The following HS6ST1 variants were observed in gnomAD, a reference collection of about 807,000 sequenced individuals.
The protein encoded by HS6ST1 is heparan sulfate 6-O-sulfotransferase 1, also known as heparan-sulfate 6-O-sulfotransferase 1.
A neutral mutation model predicts 25.2 loss-of-function variants in HS6ST1; 3 were observed. The ratio of observed to expected loss-of-function variants is 0.12; its 90% CI spans 0.05 to 0.31. The LOEUF is 0.31. Among genes scored for constraint, HS6ST1 ranks in the 10% least tolerant of loss-of-function variants. HS6ST1 has a pLI of 1.00. For synonymous variants in HS6ST1, 204 were observed against 275.1 expected (o/e 0.74, Z 2.56); for missense variants, 310 against 609.6 (o/e 0.51, Z 5.18).
intron 1 of HS6ST1, among the ~76,000 whole-genome samples, chr2:128,290,974 T>A (rs931971300): frequency 6.6e-6 from 1 of 151,700 alleles, no homozygotes; most frequent in Non-Finnish European, 1.5e-5. Flanking sequence ...AGAGTGAAAC[T>A]GTCTCAAATT....
intron 1 of HS6ST1, among the ~76,000 whole-genome samples, chr2:128,280,676 T>C (rs1198086894): frequency 4.0e-5 from 6 of 149,564 alleles, no homozygotes; most frequent in Non-Finnish European, 1.5e-5. Flanking sequence ...CTTGGTGACG[T>C]CTGTAGAAGA....
rs1024140408 is a variant in HS6ST1, at chr2:128,266,097, C to T, written c.*2065G>A. The T allele has an allele frequency of 1.3e-5, 2 of 151,510 alleles. No individual in the cohort carries two copies. Among genetic ancestry groups the T allele is most frequent in the Non-Finnish European group, 2.9e-5 (2 of 67,872 alleles). The allele number at this position is 151,510 out of a possible 1,614,324, so 9.4% of individuals were successfully genotyped here. On this transcript the variant is annotated 3_prime_UTR_variant, in exon 2 of 2. Transcript: ENST00000259241. Reference sequence around the variant, plus strand: ...AAGTTAACACATATTCCAATATGTACAAAACAACCTGCGCTCAGGCCCGCG... The same window carrying T: ...AAGTTAACACATATTCCAATATGTATAAAACAACCTGCGCTCAGGCCCGCG...
chr2:128,317,996 G>T, intron 1 of HS6ST1, 41 bp downstream of exon 1: 1 of 1,408,444 alleles, frequency 7.1e-7, no homozygotes, highest in South Asian at 1.6e-5. Context: ...CCCGGCCTCG[G>T]GGGCGCAGCT....
At chr2:128,276,256 T>G (rs556428467) in intron 1 of HS6ST1, among the ~76,000 whole-genome samples, 22 of 152,190 alleles carry the variant, frequency 1.4e-4, no homozygotes, top group Middle Eastern at 3.4e-3. Context: ...GCCTCCCGAG[T>G]AGCTGGGATT....
At chr2:128,284,105 C>T (rs747653896) in intron 1 of HS6ST1, among the ~76,000 whole-genome samples, 3 of 152,174 alleles carry the variant, frequency 2.0e-5, no homozygotes, top group Admixed American at 6.5e-5. Flanking sequence ...ACCCTCCTGC[C>T]GGCCCTGTTC....
chr2:128,280,779 G>A (rs1048393876), intron 1 of HS6ST1, among the ~76,000 whole-genome samples: 7 of 152,258 alleles, frequency 4.6e-5, no homozygotes, highest in Admixed American at 3.9e-4. Flanking sequence ...GTCAGGTGCT[G>A]TGTGGGCACA....
At chr2:128,306,864 G>A (rs935899309) in intron 1 of HS6ST1, among the ~76,000 whole-genome samples, 1 of 152,192 alleles carries the variant, frequency 6.6e-6, no homozygotes. Flanking sequence ...GGGAGTGAGG[G>A]CAGGGCCAGG....
chr2:128,268,496 T>C lies in HS6ST1; in HGVS notation c.902A>G (p.Gln301Arg). Residue 301 changes from glutamine (Q) to arginine (R), a missense_variant, in exon 2 of 2, where the codon CAG (glutamine) becomes CGG (arginine). Around this residue, in one of 5 missense-constraint regions of HS6ST1, gnomAD observed 140 missense variants for 176.5 expected, o/e 0.79. Coordinates refer to ENST00000259241, the MANE Select transcript of HS6ST1 (RefSeq NM_004807.3). The part of the protein sequence containing the change: ...FGLTEFQRKT[Q>R]YLFERTFNLK... The stretch of plus-strand genomic sequence containing the variant: ...GTTGAACGTCCGCTCGAACAGGTAC[T>C]GCGTCTTGCGCTGGAACTCGGTCAG... 3 of 1,611,802 alleles carry C rather than the reference T, an allele frequency of 1.9e-6. No homozygotes were observed. Among genetic ancestry groups the C allele is most frequent in the Non-Finnish European group, 2.5e-6 (3 of 1,179,116 alleles).
At chr2:128,269,867 T>TCCCCTCCTCCCCTCACACTGCC (rs1340038572) in intron 1 of HS6ST1, among the ~76,000 whole-genome samples, 1 of 152,022 alleles carries the variant, frequency 6.6e-6, no homozygotes, top group Non-Finnish European at 1.5e-5. Context: ...CCCACACTGC[T>TCCCCTCCTCCCCTCACACTGCC]CCCCTCCTCC....
intron 1 of HS6ST1, among the ~76,000 whole-genome samples, chr2:128,285,061 C>T (rs962629656): frequency 6.6e-6 from 1 of 152,224 alleles, no homozygotes; most frequent in African/African-American, 2.4e-5. Flanking sequence ...CTCCAGGAAA[C>T]AGGCGGCATG....
At chr2:128,272,518 G>A (rs970333053) in intron 1 of HS6ST1, among the ~76,000 whole-genome samples, 2 of 152,276 alleles carry the variant, frequency 1.3e-5, no homozygotes, top group African/African-American at 4.8e-5. Flanking sequence ...CAGTTACCAC[G>A]TGTCCGACGG....
intron 1 of HS6ST1, among the ~76,000 whole-genome samples, chr2:128,281,646 C>T (rs1223253146): frequency 1.3e-5 from 2 of 152,198 alleles, no homozygotes; most frequent in African/African-American, 2.4e-5. Flanking sequence ...TCTGCTTATG[C>T]TGGGCTCCCT....
intron 1 of HS6ST1, among the ~76,000 whole-genome samples, chr2:128,276,932 G>C (rs1439096641): frequency 6.6e-6 from 1 of 152,204 alleles, no homozygotes; most frequent in African/African-American, 2.4e-5. Flanking sequence ...GAGGGCCCCT[G>C]TGGGTATCAG....
chr2:128,298,718 C>G (rs1302804036), intron 1 of HS6ST1, among the ~76,000 whole-genome samples: 2 of 152,156 alleles, frequency 1.3e-5, no homozygotes, highest in East Asian at 3.8e-4. Context: ...TGAAAAAGTT[C>G]TGGAGACGGA....
intron 1 of HS6ST1, among the ~76,000 whole-genome samples, chr2:128,283,668 C>T (rs1279603065): frequency 3.3e-5 from 5 of 152,176 alleles, no homozygotes; most frequent in Non-Finnish European, 5.9e-5. Flanking sequence ...GCCTCCCCCT[C>T]GCTCCTCCCT....
chr2:128,266,168 C>CTCT lies in HS6ST1; in HGVS notation c.*1991_*1993dup, dbSNP rs955440274. Reference sequence around the variant, plus strand: ...AAGGTGAGGTCACCTTGAGCCAGGCCTCTGGCTGGGTGTCCACCTCCTGCC... The same window carrying CTCT: ...AAGGTGAGGTCACCTTGAGCCAGGCCTCTTCTGGCTGGGTGTCCACCTCCTGCC... On this transcript the variant is annotated 3_prime_UTR_variant, in exon 2 of 2. Transcript: ENST00000259241. The CTCT allele has an allele frequency of 6.6e-5, 10 of 152,116 alleles. No homozygotes were observed. The highest frequency in any genetic ancestry group is 2.4e-4 in the African/African-American group (10 of 41,436). 9.4% of individuals were successfully genotyped at this position (152,116 alleles called of 1,614,324 possible).
At chr2:128,277,000 G>A (rs1185761720) in intron 1 of HS6ST1, among the ~76,000 whole-genome samples, 1 of 152,158 alleles carries the variant, frequency 6.6e-6, no homozygotes, top group African/African-American at 2.4e-5. Flanking sequence ...TTGCCCTGAG[G>A]TTTAGTAACT....
intron 1 of HS6ST1, among the ~76,000 whole-genome samples, chr2:128,295,307 G>T (rs1694026441): frequency 6.6e-6 from 1 of 152,176 alleles, no homozygotes; most frequent in Non-Finnish European, 1.5e-5. Flanking sequence ...ACTCCTCTCC[G>T]TTTATAGTTG....
At chr2:128,300,927 T>G (rs1057177825) in intron 1 of HS6ST1, among the ~76,000 whole-genome samples, 1 of 152,190 alleles carries the variant, frequency 6.6e-6, no homozygotes, top group African/African-American at 2.4e-5. Flanking sequence ...TGGGGGTGGG[T>G]GCAATGGCAC....
Sources: allele counts gnomAD v4.1 joint callset (sites outside exome capture counted in the v4.1 genomes callset), GRCh38; gene constraint gnomAD v4.1.1; regional missense constraint gnomAD v4.1.1; transcripts MANE v1.5; gene names NCBI Gene and HGNC (gene_info 2026-07-23, HGNC 2026-07-21).